RNF111: variants seen among roughly 807,000 people sequenced by gnomAD.
RNF111 encodes ring finger protein 111.
RNF111 carries 17 observed loss-of-function variants against 95.1 expected under a neutral mutation model. The ratio of observed to expected loss-of-function variants is 0.18; its 90% CI spans 0.12 to 0.27. The LOEUF is 0.27. RNF111 is among the 10% of genes least tolerant of loss of function. RNF111 has a pLI of 1.00. For synonymous variants in RNF111, 440 were observed against 414.8 expected, an observed-to-expected ratio of 1.06 and a Z score of -0.74; for missense variants, 1,189 against 1,210.4, an observed-to-expected ratio of 0.98 and a Z score of 0.26.
intron 1 of RNF111, among the ~76,000 whole-genome samples, chr15:59,019,833 C>A (rs1567216042): frequency 6.6e-6 from 1 of 151,916 alleles, no homozygotes. Context: ...GTGGTGTGTG[C>A]CTATAGTCCT....
chr15:59,006,875 C>G (rs1353463709), intron 1 of RNF111, among the ~76,000 whole-genome samples: 1 of 152,176 alleles, frequency 6.6e-6, no homozygotes, highest in Non-Finnish European at 1.5e-5. Flanking sequence ...CAACCTCCGC[C>G]TCCCGGGTTC....
At chr15:59,025,074 G>A (rs1471249963) in intron 1 of RNF111, among the ~76,000 whole-genome samples, 7 of 152,172 alleles carry the variant, frequency 4.6e-5, no homozygotes, top group African/African-American at 1.7e-4. Flanking sequence ...CACTTCAGTG[G>A]ACACTTGAGA....
chr15:59,035,718 T>A (rs1327730910), intron 2 of RNF111, among the ~76,000 whole-genome samples: 1 of 152,216 alleles, frequency 6.6e-6, no homozygotes, highest in Non-Finnish European at 1.5e-5. Context: ...AGAGGCAAAA[T>A]GCTGCCAGTC....
At chr15:58,992,482 T>C (rs2038862395) in intron 1 of RNF111, among the ~76,000 whole-genome samples, 1 of 152,186 alleles carries the variant, frequency 6.6e-6, no homozygotes, top group African/African-American at 2.4e-5. Flanking sequence ...AATAATATTG[T>C]TCTCTGCTTT....
At chr15:59,052,641 T>C (rs2042039968) in intron 3 of RNF111, among the ~76,000 whole-genome samples, 1 of 150,180 alleles carries the variant, frequency 6.7e-6, no homozygotes, top group South Asian at 2.1e-4. Context: ...TTCTACCCCT[T>C]GGCTCAAGTG....
In RNF111 at chr15:59,096,198, T is replaced by C. The variant is rs541331180; in HGVS notation, c.*1298T>C. On this transcript the variant is annotated 3_prime_UTR_variant, in exon 14 of 14. Coordinates refer to ENST00000348370, the MANE Select transcript of RNF111 (RefSeq NM_017610.8). ...TTCTCCTTTGGAGGAAGTTTTAATC[T>C]ACTTCAGGATGCATATTATTATCAA... The C allele has an allele frequency of 5.2e-4, 207 of 396,942 alleles. 4 individuals carry two copies. The South Asian group carries it at 0.027, about 52-fold the overall frequency. The allele number at this position is 396,942 out of a possible 1,614,324, so 24.6% of individuals were successfully genotyped here. A position where few individuals can be genotyped will look rare whatever the true frequency, so the allele number is the denominator to read the frequency against.
Position 59,085,652 on chromosome 15 carries a change from T to C in RNF111, c.2424-7T>C, listed in dbSNP as rs1460449999. On this transcript the variant is annotated splice_polypyrimidine_tract_variant and splice_region_variant and intron_variant, in intron 9 of 13. Coordinates refer to ENST00000348370, the MANE Select transcript of RNF111 (RefSeq NM_017610.8). Reference sequence around the variant, plus strand: ...GGAGGATTAAACTGTTCTCATCCTTTCGTTAGGGAACTGGGAATTGAAGCT... The same window carrying C: ...GGAGGATTAAACTGTTCTCATCCTTCCGTTAGGGAACTGGGAATTGAAGCT... 12 of 1,612,516 alleles carry C rather than the reference T, an allele frequency of 7.4e-6. No homozygotes were observed. In the East Asian group the frequency reaches 1.3e-4, roughly 18 times the overall value.
chr15:59,095,103 A>G lies in RNF111; in HGVS notation c.*203A>G. 4.2e-6 allele frequency: 2 copies of G among 478,054 alleles called. No homozygotes were observed. The highest frequency in any genetic ancestry group is 5.0e-5 in the South Asian group (2 of 40,088). The allele number at this position is 478,054 out of a possible 1,614,324, so 29.6% of individuals were successfully genotyped here. On this transcript the variant is annotated 3_prime_UTR_variant, in exon 14 of 14. Transcript: ENST00000348370. Reference sequence around the variant, plus strand: ...TGTATTTATAAAAGCTTTTTTTTCTAGATTTGACATTTTTCTGTATCATTT... The same window carrying G: ...TGTATTTATAAAAGCTTTTTTTTCTGGATTTGACATTTTTCTGTATCATTT...
At chr15:59,012,164 A>G (rs1454753498) in intron 1 of RNF111, among the ~76,000 whole-genome samples, 2 of 151,760 alleles carry the variant, frequency 1.3e-5, no homozygotes, top group African/African-American at 4.8e-5. Flanking sequence ...GATTACAGGC[A>G]TGCATCTCCA....
In RNF111 at chr15:59,067,040, C is replaced by G; in HGVS notation, c.1643C>G (p.Pro548Arg). 1.2e-6 allele frequency: 2 copies of G among 1,614,120 alleles called. No homozygotes were observed. Among genetic ancestry groups the G allele is most frequent in the East Asian group, 4.5e-5 (2 of 44,880 alleles). ...PVERPPQVQA[P>R]CGANSSSGTS... is the part of the protein sequence containing the mutation. ...GAAAGACCTCCACAAGTACAAGCAC[C>G]TTGTGGAGCAAATAGTAGTTCTGGT... The change falls in exon 6 of 14, where the codon CCT becomes CGT. Residue 548 changes from proline to arginine, a missense_variant. Pro to Arg is a moderately radical substitution (Grantham distance 103). Around this residue, in one of 2 missense-constraint regions of RNF111, gnomAD observed 1,024 missense variants for 925.9 expected, o/e 1.11. Transcript: ENST00000348370.
At chr15:59,005,693 G>A (rs1263233310) in intron 1 of RNF111, among the ~76,000 whole-genome samples, 3 of 152,122 alleles carry the variant, frequency 2.0e-5, no homozygotes, top group African/African-American at 7.2e-5. Flanking sequence ...GTATGTATAT[G>A]TATATGTGGT....
At chr15:59,001,028 G>A (rs916165388) in intron 1 of RNF111, among the ~76,000 whole-genome samples, 5 of 152,176 alleles carry the variant, frequency 3.3e-5, no homozygotes, top group African/African-American at 1.2e-4. Context: ...AAATTTTAAT[G>A]TTGGTATTAA....
intron 2 of RNF111, among the ~76,000 whole-genome samples, chr15:59,039,706 C>T (rs1463640022): frequency 6.6e-6 from 1 of 151,618 alleles, no homozygotes; most frequent in Non-Finnish European, 1.5e-5. Context: ...ACAGCTATTC[C>T]TTTAAGAACT....
intron 1 of RNF111, among the ~76,000 whole-genome samples, chr15:58,994,331 G>T (rs529345547): frequency 5.8e-4 from 88 of 151,432 alleles, no homozygotes; most frequent in African/African-American, 2.0e-3. Flanking sequence ...GAGCCACCAC[G>T]CCTGGCTACT....
At chr15:59,075,911 G>A in intron 6 of RNF111, 43 bp from the exon 7 acceptor site, 2 of 1,592,610 alleles carry the variant, frequency 1.3e-6, no homozygotes, top group Non-Finnish European at 1.7e-6. Context: ...TGAAATATTT[G>A]ACCAAACTTT....
intron 11 of RNF111, 26 bp downstream of exon 11, chr15:59,089,785 T>G (rs1170936191): frequency 6.9e-7 from 1 of 1,456,142 alleles, no homozygotes; most frequent in East Asian, 2.3e-5. Context: ...AATGAATATG[T>G]TTGTCACAGT....
intron 1 of RNF111, among the ~76,000 whole-genome samples, chr15:59,014,961 A>G (rs1163499320): frequency 1.3e-5 from 2 of 152,140 alleles, no homozygotes; most frequent in African/African-American, 4.8e-5. Flanking sequence ...CATGTTGTCC[A>G]GGCTGGTCTT....
At chr15:59,089,937 C>G (rs893619021) in intron 11 of RNF111, among the ~76,000 whole-genome samples, 178 bp downstream of exon 11, 9 of 151,810 alleles carry the variant, frequency 5.9e-5, no homozygotes, top group Non-Finnish European at 1.2e-4. Flanking sequence ...ATCTTAGGGT[C>G]AAAAGTTACC....
At chr15:59,052,130 A>G (rs554392481) in intron 2 of RNF111, among the ~76,000 whole-genome samples, 175 bp from the exon 3 acceptor site, 1 of 152,044 alleles carries the variant, frequency 6.6e-6, no homozygotes, top group South Asian at 2.1e-4. Context: ...AGTGATTACC[A>G]TTTTTACTGT....
Sources: allele counts gnomAD v4.1 joint callset (sites outside exome capture counted in the v4.1 genomes callset), GRCh38; gene constraint gnomAD v4.1.1; regional missense constraint gnomAD v4.1.1; transcripts MANE v1.5; gene names NCBI Gene and HGNC (gene_info 2026-07-23, HGNC 2026-07-21).